SLC11A2: variants seen among roughly 807,000 people sequenced by gnomAD.
SLC11A2 encodes natural resistance-associated macrophage protein 2.
In SLC11A2, 38 loss-of-function variants were observed where a neutral mutation model predicts 68.0. The observed-to-expected ratio is 0.56, with a 90% CI of 0.43 to 0.73. The LOEUF is 0.73. Ranked by LOEUF, SLC11A2 falls within the 30% of genes least tolerant of loss-of-function variation. The pLI, the probability that SLC11A2 is intolerant of heterozygous loss-of-function variation, is 0.00. For missense variants in SLC11A2, 517 were observed against 690.5 expected, an observed-to-expected ratio of 0.75 and a Z score of 2.82; for synonymous variants, 242 against 250.6, an observed-to-expected ratio of 0.97 and a Z score of 0.32.
intron 5 of SLC11A2, among the ~76,000 whole-genome samples, chr12:51,001,281 C>CA (rs1942199691): frequency 6.6e-6 from 1 of 151,732 alleles, no homozygotes; most frequent in Non-Finnish European, 1.5e-5. Context: ...CCAGCCTGGG[C>CA]AACATGGCAA....
chr12:50,983,147 C>G (rs1005592980), downstream of SLC11A2, among the ~76,000 whole-genome samples: 2 of 152,046 alleles, frequency 1.3e-5, no homozygotes, highest in African/African-American at 2.4e-5. Context: ...CTCAGCCTCC[C>G]AAGTAGCTAG....
Position 50,994,415 on chromosome 12 carries a change from TG to T in SLC11A2, c.1077+128del, listed in dbSNP as rs112157002. The stretch of plus-strand genomic sequence containing the variant: ...TAATCCAAAATGCTTGTCTGGTGTC[TG>T]GAACTCTGAAATAAATGACACTCCA... On this transcript the variant is annotated intron_variant, in intron 11 of 15. Transcript: ENST00000262052. 1.6e-3 allele frequency: 1,137 copies of T among 716,204 alleles called. 11 individuals are homozygous for T. In the African/African-American group the frequency reaches 0.018, roughly 11 times the overall value. 44.4% of individuals were successfully genotyped at this position (716,204 alleles called of 1,614,324 possible). A position where few individuals can be genotyped will look rare whatever the true frequency, so the allele number is the denominator to read the frequency against.
intron 1 of SLC11A2, among the ~76,000 whole-genome samples, chr12:51,019,709 G>A (rs1943907774): frequency 6.8e-6 from 1 of 148,098 alleles, no homozygotes; most frequent in African/African-American, 2.5e-5. Context: ...GTGCAGTGGC[G>A]TGGTCTCAGC....
intron 6 of SLC11A2, among the ~76,000 whole-genome samples, 182 bp downstream of exon 6, chr12:51,000,131 G>A (rs1942077386): frequency 6.6e-6 from 1 of 152,128 alleles, no homozygotes; most frequent in Non-Finnish European, 1.5e-5. Context: ...ACCCACCATG[G>A]GAAACGGAAG....
the SLC11A2 span, among the ~76,000 whole-genome samples, chr12:50,973,865 G>T: frequency 6.6e-6 from 1 of 152,126 alleles, no homozygotes; most frequent in Non-Finnish European, 1.5e-5. Flanking sequence ...TAGCTGATTC[G>T]ATCAACTAGA....
chr12:51,028,155 G>C, upstream of SLC11A2: 2 of 1,506,386 alleles, frequency 1.3e-6, no homozygotes, highest in Non-Finnish European at 1.8e-6. Flanking sequence ...GCTCAGCTGG[G>C]CAGCTTCCCT....
intron 1 of SLC11A2, among the ~76,000 whole-genome samples, chr12:51,018,595 A>G (rs1457981167): frequency 6.6e-6 from 1 of 152,000 alleles, no homozygotes; most frequent in Non-Finnish European, 1.5e-5. Flanking sequence ...CCTGGGCAAC[A>G]GGGCAAAACC....
upstream of SLC11A2, among the ~76,000 whole-genome samples, chr12:51,027,993 C>T (rs897280236): frequency 2.2e-4 from 33 of 151,588 alleles, no homozygotes; most frequent in Non-Finnish European, 2.1e-4. Flanking sequence ...AGAAAATGCA[C>T]AAATTAGTTC....
At chr12:51,015,945 C>T (rs756908442) in intron 1 of SLC11A2, among the ~76,000 whole-genome samples, 1 of 152,070 alleles carries the variant, frequency 6.6e-6, no homozygotes, top group Non-Finnish European at 1.5e-5. Context: ...CCACCATGCC[C>T]GGCTAATTTT....
the SLC11A2 span, among the ~76,000 whole-genome samples, chr12:50,963,386 A>G: frequency 1.3e-5 from 2 of 151,056 alleles, no homozygotes; most frequent in African/African-American, 4.9e-5. Context: ...AAAAAAAAAA[A>G]AAAAAAAGAA....
chr12:51,014,479 A>G (rs1943472672), intron 1 of SLC11A2, among the ~76,000 whole-genome samples: 1 of 152,256 alleles, frequency 6.6e-6, no homozygotes, highest in African/African-American at 2.4e-5. Context: ...GAAAGAAAAC[A>G]AATTCTAGAT....
chr12:51,009,190 C>T, intron 2 of SLC11A2: 1 of 1,498,024 alleles, frequency 6.7e-7, no homozygotes, highest in Non-Finnish European at 8.9e-7. Flanking sequence ...AATCCTGCCA[C>T]AGTTCAGGCT....
chr12:50,952,359 T>C, the SLC11A2 span, among the ~76,000 whole-genome samples: 1 of 152,302 alleles, frequency 6.6e-6, no homozygotes, highest in African/African-American at 2.4e-5. Flanking sequence ...TGGGGACTTT[T>C]CTATAAGTCT....
At chr12:50,988,536 T>C (rs1940828474) in intron 15 of SLC11A2, 101 bp from the exon 16 acceptor site, 1 of 1,559,210 alleles carries the variant, frequency 6.4e-7, no homozygotes, top group Non-Finnish European at 8.7e-7. Context: ...TCCTTGAACA[T>C]CCAGCTGTGC....
intron 15 of SLC11A2, among the ~76,000 whole-genome samples, chr12:50,988,883 A>AT (rs1041495149): frequency 2.7e-5 from 4 of 150,370 alleles, no homozygotes; most frequent in East Asian, 2.0e-4. Context: ...CAGCTAATTT[A>AT]TTTTTTTTTG....
At chr12:50,977,165 C>T (rs1166324582), downstream of SLC11A2, among the ~76,000 whole-genome samples, 6 of 152,052 alleles carry the variant, frequency 3.9e-5, no homozygotes, top group Admixed American at 3.9e-4. Flanking sequence ...CATATGGAAC[C>T]AAAAAAGAGC....
chr12:50,953,838 A>G, the SLC11A2 span: 2 of 539,030 alleles, frequency 3.7e-6, no homozygotes, highest in Non-Finnish European at 6.6e-6. Flanking sequence ...GGTAGTGAAA[A>G]GTGTGAAGGA....
At chr12:50,973,143 G>A in the SLC11A2 span, among the ~76,000 whole-genome samples, 8 of 152,304 alleles carry the variant, frequency 5.3e-5, no homozygotes, top group African/African-American at 1.9e-4. Flanking sequence ...GAAGACAGCA[G>A]TGGTTCTCCC....
At chr12:50,994,846 G>GTTA in intron 10 of SLC11A2, 1 of 562,326 alleles carries the variant, frequency 1.8e-6, no homozygotes, top group Non-Finnish European at 3.2e-6. Flanking sequence ...TCTTTACTGA[G>GTTA]TTACAGTGTG....
Sources: gnomAD v4.1 joint callset for allele counts (sites outside exome capture counted in the v4.1 genomes callset) on GRCh38, gnomAD v4.1.1 for gene constraint, MANE v1.5 for transcripts, NCBI Gene and HGNC (gene_info 2026-07-23, HGNC 2026-07-21) for gene names.